The following CPZ variants were observed in gnomAD, a reference collection of about 807,000 sequenced individuals.
The protein encoded by CPZ is carboxypeptidase Z, also known as VEZT/CPZ fusion.
In CPZ, 103 loss-of-function variants were observed where a neutral mutation model predicts 61.8. The ratio of observed to expected loss-of-function variants is 1.67; its 90% confidence interval spans 1.42 to 1.96. CPZ has a LOEUF of 1.96. Ranked by LOEUF, CPZ falls within the 30% of genes most tolerant of loss-of-function variation. CPZ has a pLI of 0.00. For synonymous variants in CPZ, 551 were observed against 373.7 expected, an observed-to-expected ratio of 1.47 and a Z score of -5.47; for missense variants, 1,461 against 914.9, an observed-to-expected ratio of 1.60 and a Z score of -7.70.
intron 8 of CPZ, 26 bp downstream of exon 8, chr4:8,612,188 GGCGGGGGGT>G: frequency 2.1e-6 from 1 of 470,846 alleles, no homozygotes; most frequent in Non-Finnish European, 3.3e-6. Flanking sequence ...GGCGGGACTG[GGCGGGGGGT>G]GGGGGGTGCA....
chr4:8,608,040 C>A (rs541153579), intron 7 of CPZ, among the ~76,000 whole-genome samples: 18 of 152,258 alleles, frequency 1.2e-4, no homozygotes, highest in Non-Finnish European at 2.1e-4. Context: ...TTAGGACGAC[C>A]TGCTGGGGGA....
chr4:8,596,513 C>T (rs184221508), intron 1 of CPZ, among the ~76,000 whole-genome samples: 15 of 152,374 alleles, frequency 9.8e-5, no homozygotes, highest in Admixed American at 2.0e-4. Flanking sequence ...GGCTGCATGG[C>T]TTATTGTGGG....
intron 8 of CPZ, among the ~76,000 whole-genome samples, 186 bp from the exon 9 acceptor site, chr4:8,614,173 C>T (rs1715956347): frequency 6.6e-6 from 1 of 152,262 alleles, no homozygotes. Context: ...GGAGGGGCGT[C>T]TGTGGCGAGT....
chr4:8,606,027 A>G lies in CPZ; in HGVS notation c.748A>G (p.Asn250Asp), dbSNP rs1222034107. 1.2e-6 allele frequency: 2 copies of G among 1,614,108 alleles called. No individual in the cohort carries two copies. Among genetic ancestry groups the G allele is most frequent in the African/African-American group, 1.3e-5 (1 of 75,040 alleles). Residue 250 changes from asparagine (N) to aspartate (D), a missense_variant, in exon 5 of 11, where the codon AAC becomes GAC. Asn to Asp is a conservative substitution (Grantham distance 23). Coordinates refer to ENST00000360986, the MANE Select transcript of CPZ (RefSeq NM_001014447.3). ...GAAGCTCATCGGCAACATTCATGGC[A>G]ACGAGGTGGCGGGCCGGGAGATGCT... ...EVKLIGNIHG[N>D]EVAGREMLIY...
chr4:8,598,922 C>G (rs764473443), intron 1 of CPZ, among the ~76,000 whole-genome samples: 4 of 152,236 alleles, frequency 2.6e-5, no homozygotes, highest in Non-Finnish European at 5.9e-5. Context: ...AGGCCACACC[C>G]TGGTGGTGTC....
chr4:8,612,280 A>C, intron 8 of CPZ, 118 bp downstream of exon 8: 1 of 871,474 alleles, frequency 1.1e-6, no homozygotes, highest in Non-Finnish European at 1.7e-6. Flanking sequence ...AGCCCGGAAG[A>C]CAGGGCGATG....
At chr4:8,616,924 T>G (rs1012908547) in intron 9 of CPZ, among the ~76,000 whole-genome samples, 1 of 152,108 alleles carries the variant, frequency 6.6e-6, no homozygotes, top group Non-Finnish European at 1.5e-5. Flanking sequence ...CTCCATCGCG[T>G]CAGGAGGGCT....
At chr4:8,601,062 C>A in intron 2 of CPZ, 61 bp from the exon 3 acceptor site, 2 of 1,511,536 alleles carry the variant, frequency 1.3e-6, no homozygotes, top group Non-Finnish European at 8.9e-7. Flanking sequence ...ACGTAAATGT[C>A]TGATGCGTGA....
At chr4:8,606,373 G>A (rs368597276) in intron 5 of CPZ, among the ~76,000 whole-genome samples, 188 bp downstream of exon 5, 118 of 152,308 alleles carry the variant, frequency 7.7e-4, no homozygotes, top group Middle Eastern at 6.8e-3. Flanking sequence ...GAGAATTCTA[G>A]GTGAATTAAA....
intron 7 of CPZ, 116 bp downstream of exon 7, chr4:8,607,541 C>CA (rs1399770767): frequency 8.2e-7 from 1 of 1,215,596 alleles, no homozygotes; most frequent in Admixed American, 2.4e-5. Context: ...AACCTCTACT[C>CA]AGAGCGGGTC....
At chr4:8,618,654 A>ATTCCTC in intron 10 of CPZ, 126 bp downstream of exon 10, 1 of 864,836 alleles carries the variant, frequency 1.2e-6, no homozygotes, top group South Asian at 1.6e-5. Context: ...ATTCCTCCCC[A>ATTCCTC]GGCTGGCTGG....
At chr4:8,618,958 T>C (rs1716446120) in intron 10 of CPZ, among the ~76,000 whole-genome samples, 1 of 152,088 alleles carries the variant, frequency 6.6e-6, no homozygotes, top group Non-Finnish European at 1.5e-5. Flanking sequence ...GTGATATGTG[T>C]TACCTGGCAG....
At chr4:8,615,050 G>A (rs1169678653) in intron 9 of CPZ, among the ~76,000 whole-genome samples, 1 of 152,064 alleles carries the variant, frequency 6.6e-6, no homozygotes, top group Non-Finnish European at 1.5e-5. Context: ...TCTGGGCAGT[G>A]GGGTAGCTGT....
intron 7 of CPZ, chr4:8,611,149 C>T (rs1715640801): frequency 2.3e-6 from 1 of 439,232 alleles, no homozygotes; most frequent in Non-Finnish European, 4.7e-6. Flanking sequence ...TCCTCCACTC[C>T]TCCTTTCTGA....
chr4:8,606,350 G>T (rs560480016), intron 5 of CPZ, among the ~76,000 whole-genome samples, 165 bp downstream of exon 5: 2 of 152,348 alleles, frequency 1.3e-5, no homozygotes, highest in South Asian at 4.1e-4. Context: ...GGGCTGGGGA[G>T]AAGGAAGGCA....
chr4:8,619,307 T>C lies in CPZ; in HGVS notation c.1649T>C (p.Ile550Thr), dbSNP rs781728511. 41 of 1,613,824 alleles carry C rather than the reference T, an allele frequency of 2.5e-5. No individual in the cohort carries two copies. Among genetic ancestry groups the C allele is most frequent in the African/African-American group, 5.3e-5 (4 of 74,928 alleles). The change falls in exon 11 of 11, where the codon ATT (isoleucine) becomes ACT (threonine). Residue 550 changes from isoleucine (I) to threonine (T), a missense_variant. Transcript: ENST00000360986. ...AGACTGCTGCCCCCAGGTATCCACA[T>C]TGTCATTGCCCAAGCCCCTGGCTAC... Reference protein sequence around the residue: ...YWRLLPPGIHIVIAQAPGYAK... With the variant: ...YWRLLPPGIHTVIAQAPGYAK...
At position 8,607,432 on chromosome 4, in the gene CPZ, G is replaced by A. The variant is rs1249202620; in HGVS notation, c.1227+7G>A. 6 of 1,613,532 alleles carry A rather than the reference G, an allele frequency of 3.7e-6. No homozygotes were observed. Among genetic ancestry groups the A allele is most frequent in the Non-Finnish European group, 5.1e-6 (6 of 1,179,794 alleles). On this transcript the variant is annotated splice_region_variant and intron_variant, in intron 7 of 10. Transcript: ENST00000360986. Reference sequence around the variant, plus strand: ...TCCCACGCCCGACGAGAAGGTGAGAGGGCTGTCGGGTGTGTGCAGGGGAGG... The same window carrying A: ...TCCCACGCCCGACGAGAAGGTGAGAAGGCTGTCGGGTGTGTGCAGGGGAGG...
chr4:8,606,512 C>G (rs1386222596), intron 5 of CPZ, among the ~76,000 whole-genome samples: 1 of 152,116 alleles, frequency 6.6e-6, no homozygotes, highest in Non-Finnish European at 1.5e-5. Context: ...CGAGGGCGCC[C>G]CACTCAGGGG....
intron 9 of CPZ, 110 bp downstream of exon 9, chr4:8,614,608 C>A: frequency 1.8e-6 from 2 of 1,120,650 alleles, no homozygotes; most frequent in Non-Finnish European, 2.5e-6. Flanking sequence ...TACACACATG[C>A]TCCTTTTGCC....
Sources: gnomAD v4.1 joint callset for allele counts (sites outside exome capture counted in the v4.1 genomes callset) on GRCh38, gnomAD v4.1.1 for gene constraint, MANE v1.5 for transcripts, NCBI Gene and HGNC (gene_info 2026-07-23, HGNC 2026-07-21) for gene names.